Variants in AIG1 observed in about 807,000 individuals in gnomAD.
AIG1 encodes the protein androgen-induced gene 1 protein.
AIG1 carries 23 observed loss-of-function variants against 31.4 expected under a neutral mutation model. That is an observed-to-expected ratio of 0.73 (90% CI 0.53 to 1.04). The LOEUF (loss-of-function observed/expected upper bound fraction) is 1.04, where lower values mean the gene tolerates loss of function less well. Ranked by LOEUF, AIG1 falls within the 50% of genes least tolerant of loss-of-function variation. AIG1 has a pLI of 0.00. For synonymous variants in AIG1, 100 were observed against 110.5 expected (o/e 0.90, Z 0.60); for missense variants, 274 against 295.0 (o/e 0.93, Z 0.52).
intron 3 of AIG1, among the ~76,000 whole-genome samples, chr6:143,242,518 A>G (rs900652271): frequency 6.6e-6 from 1 of 152,222 alleles, no homozygotes; most frequent in Non-Finnish European, 1.5e-5. Flanking sequence ...AAATCACATG[A>G]CCATAATCTC....
rs75818420 is a variant in AIG1 at position 143,159,671 on chromosome 6, C to A, written c.298-5411C>A. ...TTAGAGAGCCCTAAGCTTCACTATG[C>A]GTTTCTGAATTTGAGGATATGGTTG... On this transcript the variant is annotated intron_variant, in intron 2 of 5. Coordinates refer to ENST00000357847, the MANE Select transcript of AIG1 (RefSeq NM_016108.4). Among the ~76,000 whole-genome samples, 10 of 152,232 alleles carry A rather than the reference C, an allele frequency of 6.6e-5. No individual in the cohort carries two copies. In the East Asian group the frequency reaches 1.9e-3, roughly 29 times the overall value.
At position 143,337,845 on chromosome 6, in the gene AIG1, C is replaced by T. The variant is rs973860511; in HGVS notation, c.680-1794C>T. 39 of 396,632 alleles carry T rather than the reference C, an allele frequency of 9.8e-5. 1 individual carries two copies. In the Admixed American group the frequency reaches 1.5e-3, roughly 16 times the overall value. 24.6% of individuals were successfully genotyped at this position (396,632 alleles called of 1,614,324 possible). On this transcript the variant is annotated intron_variant, in intron 5 of 5. Transcript: ENST00000357847. Reference sequence around the variant, plus strand: ...CTCCCTCAGCGCCCTGCAGTCTTGTCCCCTCTGGTCCCAAAAGTGTATCCT... The same window carrying T: ...CTCCCTCAGCGCCCTGCAGTCTTGTTCCCTCTGGTCCCAAAAGTGTATCCT...
At chr6:143,147,434 C>A (rs1286553524) in intron 2 of AIG1, among the ~76,000 whole-genome samples, 1 of 152,122 alleles carries the variant, frequency 6.6e-6, no homozygotes, top group Non-Finnish European at 1.5e-5. Flanking sequence ...CATCTCCCCT[C>A]CCCTTTGTTT....
intron 1 of AIG1, among the ~76,000 whole-genome samples, chr6:143,131,622 C>T (rs866769976): frequency 3.3e-5 from 5 of 152,286 alleles, no homozygotes; most frequent in East Asian, 3.9e-4. Context: ...CACAAGGAGC[C>T]GAGAGTGACC....
At chr6:143,311,674 G>A (rs1313941590) in intron 4 of AIG1, among the ~76,000 whole-genome samples, 1 of 151,794 alleles carries the variant, frequency 6.6e-6, no homozygotes, top group Non-Finnish European at 1.5e-5. Flanking sequence ...CCCTCAAGTT[G>A]ATGAAGAACA....
chr6:143,084,876 T>TTGCTGGG lies in AIG1; in HGVS notation c.141+23810_141+23811insTGCTGGG, dbSNP rs1336086278. On this transcript the variant is annotated intron_variant, in intron 1 of 5. Transcript: ENST00000357847. ...CTGATTCTGCATCCTAATGAGGGTC[T>TTGCTGGG]ACACTGGGAAGTGCTTGCTGGCCAG... Among the ~76,000 whole-genome samples the TTGCTGGG allele has an allele frequency of 2.6e-5, 4 of 152,226 alleles. No homozygotes were observed. In the East Asian group the frequency reaches 7.7e-4, roughly 29 times the overall value.
intron 3 of AIG1, among the ~76,000 whole-genome samples, chr6:143,198,880 T>C (rs996931447): frequency 6.6e-6 from 1 of 152,198 alleles, no homozygotes; most frequent in Admixed American, 6.5e-5. Context: ...AGTATGTCTA[T>C]TCTTGTGGAA....
chr6:143,185,478 C>G (rs1789176701), intron 3 of AIG1, among the ~76,000 whole-genome samples: 1 of 152,310 alleles, frequency 6.6e-6, no homozygotes. Flanking sequence ...CCCTTGTCTC[C>G]CATTCAGAAC....
intron 4 of AIG1, among the ~76,000 whole-genome samples, chr6:143,313,602 T>A (rs1025213611): frequency 1.3e-5 from 2 of 151,768 alleles, no homozygotes; most frequent in Non-Finnish European, 2.9e-5. Flanking sequence ...GATTAAAGGG[T>A]ACAACAATAA....
intron 3 of AIG1, among the ~76,000 whole-genome samples, chr6:143,235,485 A>G (rs1178517119): frequency 1.3e-5 from 2 of 152,142 alleles, no homozygotes; most frequent in African/African-American, 4.8e-5. Flanking sequence ...CTGAAGCTAA[A>G]CCTGTGCATG....
At chr6:143,304,005 A>G (rs1011394730) in intron 4 of AIG1, among the ~76,000 whole-genome samples, 10 of 146,300 alleles carry the variant, frequency 6.8e-5, no homozygotes, top group Admixed American at 6.1e-4. Flanking sequence ...ATGGGAGTTC[A>G]CTCATGATTT....
rs1776779423 is a variant in AIG1 at position 143,328,373 on chromosome 6, T to C, written c.516-4909T>C. Among the ~76,000 whole-genome samples, 1 of 152,168 alleles carries C rather than the reference T, an allele frequency of 6.6e-6. No homozygotes were observed. The highest frequency in any genetic ancestry group is 1.5e-5 in the Non-Finnish European group (1 of 68,020). On this transcript the variant is annotated intron_variant, in intron 4 of 5. Coordinates refer to ENST00000357847, the MANE Select transcript of AIG1 (RefSeq NM_016108.4). The surrounding 1 kb of genome is among the most constrained non-coding windows in gnomAD (Gnocchi z 4.0). Reference sequence around the variant, plus strand: ...CTTTAATGAAAGGCATCTGAACATATTCATCAGCTATGAAAAACATTGGTT... The same window carrying C: ...CTTTAATGAAAGGCATCTGAACATACTCATCAGCTATGAAAAACATTGGTT...
upstream of AIG1, chr6:143,060,689 C>T (rs551102546): frequency 5.0e-3 from 2,257 of 448,524 alleles, 52 homozygotes; most frequent in African/African-American, 0.042. Flanking sequence ...GCCTGCCAGG[C>T]CGCGGCCGGC....
chr6:143,253,349 G>A (rs1795149339), intron 3 of AIG1, among the ~76,000 whole-genome samples: 2 of 152,060 alleles, frequency 1.3e-5, no homozygotes, highest in Non-Finnish European at 2.9e-5. Flanking sequence ...ACCTAAATAA[G>A]ACCCATTTTA....
At chr6:143,260,632 A>G (rs1373443748) in intron 3 of AIG1, among the ~76,000 whole-genome samples, 1 of 152,234 alleles carries the variant, frequency 6.6e-6, no homozygotes, top group Non-Finnish European at 1.5e-5. Flanking sequence ...ACCTTGTGCC[A>G]GGTACTGTAG....
chr6:143,217,868 G>T (rs977549369), intron 3 of AIG1, among the ~76,000 whole-genome samples: 1 of 152,190 alleles, frequency 6.6e-6, no homozygotes, highest in East Asian at 1.9e-4. Context: ...TACTGATCAC[G>T]TGGTAGGATA....
intron 1 of AIG1, among the ~76,000 whole-genome samples, chr6:143,122,127 G>A (rs1174382801): frequency 6.6e-6 from 1 of 152,114 alleles, no homozygotes; most frequent in East Asian, 1.9e-4. Flanking sequence ...TGATGTGTGG[G>A]CATTGAATTA....
intron 1 of AIG1, among the ~76,000 whole-genome samples, chr6:143,090,600 T>C (rs1232337756): frequency 2.6e-5 from 4 of 152,254 alleles, no homozygotes; most frequent in African/African-American, 7.2e-5. Flanking sequence ...ATAAAAGTTA[T>C]GTTTACACTT....
At chr6:143,226,904 G>C (rs946679419) in intron 3 of AIG1, among the ~76,000 whole-genome samples, 2 of 151,368 alleles carry the variant, frequency 1.3e-5, no homozygotes, top group African/African-American at 4.9e-5. Context: ...CCTGTGGCCC[G>C]CAGCCGACAT....
Sources: gnomAD v4.1 joint callset for allele counts (sites outside exome capture counted in the v4.1 genomes callset) on GRCh38, gnomAD v4.1.1 for gene constraint, Gnocchi (gnomAD v3.1) non-coding constraint, MANE v1.5 for transcripts, NCBI Gene and HGNC (gene_info 2026-07-23, HGNC 2026-07-21) for gene names.